The following CMTR1 variants were observed in gnomAD, a reference collection of about 807,000 sequenced individuals.
CMTR1 encodes cap methyltransferase 1, also known as cap-specific mRNA (nucleoside-2'-O-)-methyltransferase 1.
Under a neutral mutation model 107.0 loss-of-function variants are expected in CMTR1, and 39 were observed. That is an observed-to-expected ratio of 0.36 (90% CI 0.28 to 0.48). The LOEUF (loss-of-function observed/expected upper bound fraction) is 0.48, where lower values mean the gene tolerates loss of function less well. Ranked by LOEUF, CMTR1 falls within the 20% of genes least tolerant of loss-of-function variation. CMTR1 has a pLI of 0.99. For missense variants in CMTR1, 672 were observed against 1,064.9 expected, an observed-to-expected ratio of 0.63 and a Z score of 5.14; for synonymous variants, 366 against 379.5, an observed-to-expected ratio of 0.96 and a Z score of 0.41.
chr6:37,429,722 G>A (rs1179285185), upstream of CMTR1, among the ~76,000 whole-genome samples: 2 of 152,164 alleles, frequency 1.3e-5, no homozygotes, highest in East Asian at 1.9e-4. Flanking sequence ...GGTGGATCAC[G>A]AAGTCAGGAG....
chr6:37,435,575 C>T, intron 1 of CMTR1, 49 bp from the exon 2 acceptor site: 1 of 1,568,838 alleles, frequency 6.4e-7, no homozygotes, highest in Non-Finnish European at 8.6e-7. Flanking sequence ...GCTGTGATCC[C>T]AGTGGCTGTG....
At chr6:37,449,785 A>G (rs763273721) in intron 4 of CMTR1, among the ~76,000 whole-genome samples, 8 of 152,222 alleles carry the variant, frequency 5.3e-5, no homozygotes, top group Non-Finnish European at 1.0e-4. Context: ...TTTGAGTAAC[A>G]CTTTGAAAGG....
At chr6:37,464,677 A>G (rs1171938365) in intron 13 of CMTR1, among the ~76,000 whole-genome samples, 1 of 152,084 alleles carries the variant, frequency 6.6e-6, no homozygotes, top group African/African-American at 2.4e-5. Context: ...GCTGACTAGT[A>G]TTCCATTCCA....
intron 10 of CMTR1, 129 bp from the exon 11 acceptor site, chr6:37,461,420 G>A: frequency 1.8e-6 from 1 of 560,614 alleles, no homozygotes; most frequent in South Asian, 2.5e-5. Flanking sequence ...ACACTGAGCT[G>A]CTTCTTCATC....
rs769984414 is a variant in CMTR1 at position 37,476,202 on chromosome 6, T to C, written c.2105+8T>C. The C allele has an allele frequency of 8.7e-6, 14 of 1,613,954 alleles. No homozygotes were observed. Among genetic ancestry groups the C allele is most frequent in the Non-Finnish European group, 1.2e-5 (14 of 1,179,892 alleles). On this transcript the variant is annotated splice_region_variant and intron_variant, in intron 20 of 23. Transcript: ENST00000373451. ...CGACATGAATCCCATCAGGTGAGCA[T>C]GTGGTCCCTACCCTCCATGCTTCTT... is the stretch of plus-strand genomic sequence containing the variant.
At position 37,480,661 on chromosome 6, in the gene CMTR1, T is replaced by TA; in HGVS notation, c.*517dup. ...AATCAAGGTTTTGTTTCTTTGAACT[T>TA]ACTCTGTTTTGATGCCAAATTGGAG... On this transcript the variant is annotated 3_prime_UTR_variant, in exon 24 of 24. Coordinates refer to ENST00000373451, the MANE Select transcript of CMTR1 (RefSeq NM_015050.3). The TA allele has an allele frequency of 9.8e-7, 1 of 1,024,598 alleles. No homozygotes were observed. The highest frequency in any genetic ancestry group is 1.2e-6 in the Non-Finnish European group (1 of 855,648). The allele number at this position is 1,024,598 out of a possible 1,614,324, so 63.5% of individuals were successfully genotyped here.
chr6:37,437,590 T>A (rs1261149230), intron 2 of CMTR1, among the ~76,000 whole-genome samples: 2 of 151,074 alleles, frequency 1.3e-5, no homozygotes, highest in African/African-American at 4.9e-5. Context: ...TCTTCCAGTG[T>A]GGCCCAAGGA....
rs1447445871 is a variant in CMTR1 at position 37,472,110 on chromosome 6, A to G, written c.1620+206A>G. ...GCTGGTTTGGCCCTGCAGCTGGGTC[A>G]GAAAGGACTAAGGGGTGGGGTGTGG... On this transcript the variant is annotated intron_variant, in intron 15 of 23. Coordinates refer to ENST00000373451, the MANE Select transcript of CMTR1 (RefSeq NM_015050.3). This position sits in a 1 kb window ranked among gnomAD's most constrained non-coding sequence, Gnocchi z 4.1. 1.3e-5 allele frequency among the ~76,000 whole-genome samples: 2 copies of G among 152,202 alleles called. No individual in the cohort carries two copies.
chr6:37,459,764 T>C (rs955497334), intron 10 of CMTR1, 80 bp downstream of exon 10: 1 of 963,542 alleles, frequency 1.0e-6, no homozygotes, highest in African/African-American at 1.6e-5. Context: ...TTTTATCTGG[T>C]TCTTTAGCTG....
At chr6:37,450,054 G>A (rs931335621) in intron 4 of CMTR1, among the ~76,000 whole-genome samples, 197 bp from the exon 5 acceptor site, 1 of 152,182 alleles carries the variant, frequency 6.6e-6, no homozygotes, top group Non-Finnish European at 1.5e-5. Flanking sequence ...ACCAGAATTG[G>A]AGCTGGCTTT....
chr6:37,457,566 T>C (rs771855635), intron 8 of CMTR1, among the ~76,000 whole-genome samples: 11 of 152,208 alleles, frequency 7.2e-5, no homozygotes, highest in Non-Finnish European at 2.9e-5. Flanking sequence ...GTTTAGTTAA[T>C]AGTAAGGTAC....
intron 1 of CMTR1, among the ~76,000 whole-genome samples, chr6:37,433,696 G>T (rs1771450427): frequency 6.6e-6 from 1 of 152,268 alleles, no homozygotes; most frequent in Non-Finnish European, 1.5e-5. Flanking sequence ...AGGGAGAGAA[G>T]ACTGCAGAGG....
chr6:37,471,904 G>C lies in CMTR1; in HGVS notation c.1620G>C (p.Gly540=), dbSNP rs754598922. 1.9e-5 allele frequency: 31 copies of C among 1,612,836 alleles called. No homozygotes were observed. Among genetic ancestry groups the C allele is most frequent in the Non-Finnish European group, 2.6e-5 (31 of 1,179,722 alleles). The change falls in exon 15 of 24, where the codon GGG becomes GGC. Residue 540 remains glycine (G), a splice_region_variant and synonymous_variant. Coordinates refer to ENST00000373451, the MANE Select transcript of CMTR1 (RefSeq NM_015050.3). ...GGAAGGAGTGCCTCCGACTCTGGGGGGTGAGTATCTCCCCCGCCCATTGCT... is the reference window on the plus strand; with the variant it reads ...GGAAGGAGTGCCTCCGACTCTGGGGCGTGAGTATCTCCCCCGCCCATTGCT... ...EIRKECLRLW[G]IPDQARVAPS...
intron 13 of CMTR1, among the ~76,000 whole-genome samples, chr6:37,468,877 C>T (rs984331214): frequency 6.7e-5 from 10 of 149,424 alleles, no homozygotes; most frequent in South Asian, 2.1e-4. Context: ...AGTAAGACTC[C>T]GTCTCAAAAA....
upstream of CMTR1, among the ~76,000 whole-genome samples, chr6:37,430,503 T>C (rs1372334251): frequency 1.3e-5 from 2 of 152,100 alleles, no homozygotes; most frequent in Non-Finnish European, 2.9e-5. Context: ...AATGTCTTAA[T>C]GGTGTCTTTT....
chr6:37,477,098 A>G (rs886731593), intron 20 of CMTR1, among the ~76,000 whole-genome samples: 3 of 152,152 alleles, frequency 2.0e-5, no homozygotes, highest in Non-Finnish European at 2.9e-5. Context: ...ATGGGCATCA[A>G]ACAAGAGCCC....
chr6:37,466,807 G>C (rs1274276777), intron 13 of CMTR1, among the ~76,000 whole-genome samples: 2 of 151,952 alleles, frequency 1.3e-5, no homozygotes, highest in African/African-American at 4.8e-5. Context: ...ATAAATTTTA[G>C]GATGGGTTTT....
intron 17 of CMTR1, among the ~76,000 whole-genome samples, chr6:37,474,153 T>G (rs1283215816): frequency 6.6e-6 from 1 of 152,230 alleles, no homozygotes; most frequent in Non-Finnish European, 1.5e-5. Flanking sequence ...CCTCTCACAC[T>G]TTGTCTTTTT....
At chr6:37,475,532 GT>G (rs1410248276) in intron 19 of CMTR1, 120 bp downstream of exon 19, 4 of 809,048 alleles carry the variant, frequency 4.9e-6, no homozygotes, top group African/African-American at 1.7e-5. Context: ...CATCCTGAGA[GT>G]TTCCCCCTCC....
Sources: gnomAD v4.1 joint callset for allele counts (sites outside exome capture counted in the v4.1 genomes callset) on GRCh38, gnomAD v4.1.1 for gene constraint, Gnocchi (gnomAD v3.1) non-coding constraint, MANE v1.5 for transcripts, NCBI Gene and HGNC (gene_info 2026-07-23, HGNC 2026-07-21) for gene names.